RPS6KC1: variants seen among roughly 807,000 people sequenced by gnomAD.
RPS6KC1 encodes inactive ribosomal protein S6 kinase delta-1.
In RPS6KC1, 54 loss-of-function variants were observed where a neutral mutation model predicts 103.8. The observed-to-expected ratio is 0.52, with a 90% CI of 0.42 to 0.65. The LOEUF (loss-of-function observed/expected upper bound fraction) is 0.65, where lower values mean the gene tolerates loss of function less well. Among genes scored for constraint, RPS6KC1 ranks in the 30% least tolerant of loss-of-function variants. The pLI is 0.00. For missense variants in RPS6KC1, 1,151 were observed against 1,253.8 expected (o/e 0.92, Z 1.24); for synonymous variants, 439 against 438.7 (o/e 1.00, Z -0.01).
In RPS6KC1 at chr1:213,176,737, G is replaced by A. The variant is rs185690321; in HGVS notation, c.1044+245G>A. ...ATTTGTTGGCATTCAGTTGAGTAAGGGGTTTGGTTTTATAGAAGTGTTATA... is the reference window on the plus strand; with the variant it reads ...ATTTGTTGGCATTCAGTTGAGTAAGAGGTTTGGTTTTATAGAAGTGTTATA... On this transcript the variant is annotated intron_variant, in intron 8 of 14. Transcript: ENST00000366960. The A allele has an allele frequency of 3.8e-5, 11 of 290,052 alleles. No individual in the cohort carries two copies. The South Asian group carries it at 8.5e-4, about 22-fold the overall frequency. 18.0% of individuals were successfully genotyped at this position (290,052 alleles called of 1,614,324 possible). A position where few individuals can be genotyped will look rare whatever the true frequency, so the allele number is the denominator to read the frequency against.
At chr1:213,300,491 T>C in the RPS6KC1 span, among the ~76,000 whole-genome samples, 17 of 152,322 alleles carry the variant, frequency 1.1e-4, no homozygotes, top group African/African-American at 3.8e-4. Flanking sequence ...TTTCCCTTTT[T>C]CCCTGGTTTA....
the RPS6KC1 span, among the ~76,000 whole-genome samples, chr1:213,406,366 G>A: frequency 6.6e-6 from 1 of 151,726 alleles, no homozygotes; most frequent in African/African-American, 2.4e-5. Context: ...TTTTTTTTTA[G>A]AGTTTTTAGA....
intron 10 of RPS6KC1, among the ~76,000 whole-genome samples, chr1:213,232,923 A>G (rs769695220): frequency 2.0e-5 from 3 of 152,222 alleles, no homozygotes; most frequent in Non-Finnish European, 4.4e-5. Flanking sequence ...GCATATAAAT[A>G]TAAATTCATT....
the RPS6KC1 span, among the ~76,000 whole-genome samples, chr1:213,675,383 G>T: frequency 6.6e-6 from 1 of 152,142 alleles, no homozygotes; most frequent in Non-Finnish European, 1.5e-5. Flanking sequence ...TTTCTTCTAG[G>T]ATTCTTATAG....
the RPS6KC1 span, among the ~76,000 whole-genome samples, chr1:213,671,353 G>A: frequency 6.6e-6 from 1 of 151,598 alleles, no homozygotes; most frequent in Non-Finnish European, 1.5e-5. Context: ...GCAGAATGGT[G>A]TTTACCAGGG....
the RPS6KC1 span, among the ~76,000 whole-genome samples, chr1:213,589,234 C>G: frequency 3.4e-4 from 52 of 152,318 alleles, no homozygotes; most frequent in Non-Finnish European, 7.2e-4. Context: ...GTGTCTCCTT[C>G]TATTAACTGC....
At chr1:213,739,454 G>A in the RPS6KC1 span, among the ~76,000 whole-genome samples, 1 of 152,068 alleles carries the variant, frequency 6.6e-6, no homozygotes, top group Non-Finnish European at 1.5e-5. Flanking sequence ...CCCCTACGTT[G>A]TTCAAGGGTC....
chr1:213,828,077 G>C, the RPS6KC1 span, among the ~76,000 whole-genome samples: 31,683 of 150,278 alleles, frequency 0.21, 4,271 homozygotes, highest in East Asian at 0.36. Context: ...CTTTTTGTCA[G>C]AATGGATCAG....
At chr1:213,686,609 T>G in the RPS6KC1 span, among the ~76,000 whole-genome samples, 1 of 152,156 alleles carries the variant, frequency 6.6e-6, no homozygotes, top group African/African-American at 2.4e-5. Context: ...TATAACATGT[T>G]TTTATCTGTT....
chr1:213,317,102 C>A, the RPS6KC1 span, among the ~76,000 whole-genome samples: 1 of 152,140 alleles, frequency 6.6e-6, no homozygotes, highest in Non-Finnish European at 1.5e-5. Flanking sequence ...TCAGAAAGAC[C>A]AAGCTGGCTA....
intron 1 of RPS6KC1, among the ~76,000 whole-genome samples, chr1:213,057,752 C>CTTTTTTTTTTTTTTTTTTTTTTTTTTTT (rs869259657): frequency 1.4e-5 from 1 of 73,664 alleles, no homozygotes. Flanking sequence ...TCTGAAGTAT[C>CTTTTTTTTTTTTTTTTTTTTTTTTTTTT]TTTTTTTTTT....
chr1:213,592,692 G>A, the RPS6KC1 span, among the ~76,000 whole-genome samples: 3 of 152,188 alleles, frequency 2.0e-5, no homozygotes, highest in Admixed American at 6.5e-5. Flanking sequence ...AACCATGAGA[G>A]TTACATGGGA....
the RPS6KC1 span, among the ~76,000 whole-genome samples, chr1:213,630,237 G>T: frequency 2.0e-5 from 3 of 152,142 alleles, no homozygotes; most frequent in Non-Finnish European, 2.9e-5. Context: ...ACGTAGATTT[G>T]GTCTTTTCAC....
chr1:213,407,898 T>G, the RPS6KC1 span, among the ~76,000 whole-genome samples: 1 of 152,220 alleles, frequency 6.6e-6, no homozygotes, highest in Non-Finnish European at 1.5e-5. Flanking sequence ...AGGTAAGGAC[T>G]TTTTTAGTTT....
In RPS6KC1 at chr1:213,240,708, A is replaced by G. The variant is rs765340292; in HGVS notation, c.1232A>G (p.Lys411Arg). ...TTGTTATACTTGTTCACAGGTGGCAAACTGTGGTCATATATCAGTAAATTT... is the reference window on the plus strand; with the variant it reads ...TTGTTATACTTGTTCACAGGTGGCAGACTGTGGTCATATATCAGTAAATTT... The part of the protein sequence containing the change: ...FLVLQHAEGG[K>R]LWSYISKFLN... Residue 411 changes from lysine to arginine, a missense_variant, in exon 11 of 15, where the codon AAA becomes AGA. By Grantham distance (26) the Lys-to-Arg change is conservative (BLOSUM62 2). Coordinates refer to ENST00000366960, the MANE Select transcript of RPS6KC1 (RefSeq NM_012424.6). 1 of 1,604,468 alleles carries G rather than the reference A, an allele frequency of 6.2e-7. No homozygotes were observed. The highest frequency in any genetic ancestry group is 2.2e-5 in the East Asian group (1 of 44,774).
chr1:213,812,867 G>T, the RPS6KC1 span, among the ~76,000 whole-genome samples: 1 of 152,166 alleles, frequency 6.6e-6, no homozygotes, highest in African/African-American at 2.4e-5. Flanking sequence ...GTCCCGAAGG[G>T]CTTGTAAACC....
intron 12 of RPS6KC1, among the ~76,000 whole-genome samples, chr1:213,253,945 AATATC>A (rs902920796): frequency 6.6e-6 from 1 of 152,204 alleles, no homozygotes; most frequent in Non-Finnish European, 1.5e-5. Flanking sequence ...GAAGACTCTG[AATATC>A]ATAAGGACTA....
the RPS6KC1 span, among the ~76,000 whole-genome samples, chr1:213,445,419 C>T: frequency 6.6e-6 from 1 of 152,312 alleles, no homozygotes; most frequent in Non-Finnish European, 1.5e-5. Context: ...ACTCCCAAAG[C>T]TGATCATTCC....
intron 14 of RPS6KC1, among the ~76,000 whole-genome samples, chr1:213,271,633 G>A (rs1014490645): frequency 1.1e-4 from 16 of 152,020 alleles, no homozygotes; most frequent in East Asian, 1.9e-4. Context: ...GCATGGTGGC[G>A]CGCGCCTGTA....
Sources: allele counts gnomAD v4.1 joint callset (sites outside exome capture counted in the v4.1 genomes callset), GRCh38; gene constraint gnomAD v4.1.1; transcripts MANE v1.5; gene names NCBI Gene and HGNC (gene_info 2026-07-23, HGNC 2026-07-21).